PSG7: variants seen among roughly 807,000 people sequenced by gnomAD.
PSG7 encodes pregnancy specific beta-1-glycoprotein 7, also known as pregnancy-specific beta-1-glycoprotein 7.
Under a neutral mutation model 45.6 loss-of-function variants are expected in PSG7, and 57 were observed. That is an observed-to-expected ratio of 1.25 (90% confidence interval 1.01 to 1.56). The LOEUF (loss-of-function observed/expected upper bound fraction) is 1.56. Ranked by LOEUF, PSG7 falls within the 40% of genes most tolerant of loss-of-function variation. The probability of loss-of-function intolerance (pLI) is 0.00; values close to 1 mark genes in which losing one functional copy is unlikely to be tolerated. For missense variants in PSG7, 796 were observed against 508.4 expected (o/e 1.57, Z -5.44); for synonymous variants, 298 against 194.4 (o/e 1.53, Z -4.43).
rs768409955 is a variant in PSG7 at position 42,925,857 on chromosome 19, T to C, written c.1159A>G (p.Lys387Glu). Reference protein sequence around the residue: ...QKLSIPQITTKHSGLYACSVR... With the variant: ...QKLSIPQITTEHSGLYACSVR... The stretch of plus-strand genomic sequence containing the variant: ...GAGCAAGCATAGAGCCCGCTATGCT[T>C]TGTAGTAATCTGGGGGATAGAAAGC... The change falls in exon 5 of 6, where the codon AAG becomes GAG. Residue 387 changes from lysine to glutamate, a missense_variant. Transcript: ENST00000406070. 8 of 1,611,974 alleles carry C rather than the reference T, an allele frequency of 5.0e-6. No homozygotes were observed. In the South Asian group the frequency reaches 8.8e-5, roughly 18 times the overall value.
At chr19:42,929,302 G>A (rs1332383234) in intron 3 of PSG7, 140 bp downstream of exon 3, 2 of 1,561,010 alleles carry the variant, frequency 1.3e-6, no homozygotes, top group Non-Finnish European at 1.7e-6. Context: ...GGTTTGCCTG[G>A]GGCAGGAAGT....
Position 42,925,092 on chromosome 19 carries a change from C to T in PSG7, c.1244-268G>A, listed in dbSNP as rs558588176. 6.2e-4 allele frequency: 320 copies of T among 514,090 alleles called. 3 individuals carry two copies. The highest frequency in any genetic ancestry group is 5.9e-4 in the Non-Finnish European group (174 of 292,926). 31.8% of individuals were successfully genotyped at this position (514,090 alleles called of 1,614,324 possible). ...TTTGCTGTAAGTTTTTATAAGGAAT[C>T]TCAGATTAAACCTTTACAAAACTCT... On this transcript the variant is annotated intron_variant, in intron 5 of 5. Coordinates refer to ENST00000406070, the MANE Select transcript of PSG7 (RefSeq NM_002783.3).
At chr19:42,929,853 G>C (rs1164375333) in intron 2 of PSG7, 133 bp from the exon 3 acceptor site, 3 of 1,365,044 alleles carry the variant, frequency 2.2e-6, no homozygotes, top group African/African-American at 2.9e-5. Flanking sequence ...AGGTGTGTGT[G>C]TTACAAGACA....
Position 42,937,172 on chromosome 19 carries a change from C to G in PSG7, c.-96G>C. On this transcript the variant is annotated 5_prime_UTR_variant, in exon 1 of 6. Coordinates refer to ENST00000406070, the MANE Select transcript of PSG7 (RefSeq NM_002783.3). ...GTCAGCTGTGCTGTCCTTCCTCCTT[C>G]TGCACTGAGCCTCTTCCCGGGGCAG... 6.7e-7 allele frequency: 1 copy of G among 1,503,502 alleles called. No individual in the cohort carries two copies. Among genetic ancestry groups the G allele is most frequent in the East Asian group, 2.3e-5 (1 of 43,194 alleles). 93.1% of individuals were successfully genotyped at this position (1,503,502 alleles called of 1,614,324 possible).
At position 42,924,925 on chromosome 19, in the gene PSG7, C is replaced by T. The variant is rs7257970; in HGVS notation, c.1244-101G>A. ...TCCACATAATTTTTCTCTCTATGGG[C>T]ATCTCTAGTTTTACCAATGATAATT... is the stretch of plus-strand genomic sequence containing the variant. On this transcript the variant is annotated intron_variant, in intron 5 of 5. Coordinates refer to ENST00000406070, the MANE Select transcript of PSG7 (RefSeq NM_002783.3). 496 of 744,212 alleles carry T rather than the reference C, an allele frequency of 6.7e-4. 13 individuals are homozygous for T. The African/African-American group carries it at 7.4e-3, about 11-fold the overall frequency. The allele number at this position is 744,212 out of a possible 1,614,324, so 46.1% of individuals were successfully genotyped here. A position where few individuals can be genotyped will look rare whatever the true frequency, so the allele number is the denominator to read the frequency against.
Position 42,926,674 on chromosome 19 carries a change from G to A in PSG7, c.752C>T (p.Pro251Leu), listed in dbSNP as rs115824313. 8 of 1,610,138 alleles carry A rather than the reference G, an allele frequency of 5.0e-6. 1 individual carries two copies. Among genetic ancestry groups the A allele is most frequent in the Non-Finnish European group, 6.8e-6 (8 of 1,179,010 alleles). Residue 251 changes from proline to leucine, a missense_variant, in exon 4 of 6, where the codon CCC becomes CTC. Coordinates refer to ENST00000406070, the MANE Select transcript of PSG7 (RefSeq NM_002783.3). ...KPYITINNLNPRENKDVSTFT... is the reference protein window; with the variant it reads ...KPYITINNLNLRENKDVSTFT... ...GGTTGAGACATCCTTATTCTCCCTG[G>A]GGTTTAAGTTATTGATGGTGATGTA...
chr19:42,933,301 ATATATATTT>A (rs1307796004), intron 2 of PSG7, among the ~76,000 whole-genome samples: 109 of 14,626 alleles, frequency 7.5e-3, no homozygotes, highest in Non-Finnish European at 0.015. Flanking sequence ...ATATATATAT[ATATATATTT>A]TTTTTTTTTT....
In PSG7 at chr19:42,935,738, G is replaced by C. The variant is rs1462625528; in HGVS notation, c.96C>G (p.Thr32=). ...ASLLNFWNPP[T]TAQVTIEAQP... ...GGGCTTCAATCGTGACTTGGGCTGT[G>C]GTGGGCGGGTTCCAGAAGTTTAAAA... is the stretch of plus-strand genomic sequence containing the variant. The change falls in exon 2 of 6, where the codon ACC becomes ACG. Residue 32 remains threonine (T), a synonymous_variant. Coordinates refer to ENST00000406070, the MANE Select transcript of PSG7 (RefSeq NM_002783.3). 1.9e-6 allele frequency: 3 copies of C among 1,611,414 alleles called. No individual in the cohort carries two copies. The highest frequency in any genetic ancestry group is 2.2e-5 in the South Asian group (2 of 90,732).
rs773470887 is a variant in PSG7, at chr19:42,924,789, T to C, written c.*19A>G. On this transcript the variant is annotated 3_prime_UTR_variant, in exon 6 of 6. Transcript: ENST00000406070. ...TGAGGTTCCATGGGAGAAGATGGAA[T>C]TGGAGGAACTAGTAGAATTCAGGGT... is the stretch of plus-strand genomic sequence containing the variant. 2 of 766,756 alleles carry C rather than the reference T, an allele frequency of 2.6e-6. No individual in the cohort carries two copies. Among genetic ancestry groups the C allele is most frequent in the South Asian group, 2.7e-5 (2 of 74,090 alleles). The allele number at this position is 766,756 out of a possible 1,614,324, so 47.5% of individuals were successfully genotyped here. A position where few individuals can be genotyped will look rare whatever the true frequency, so the allele number is the denominator to read the frequency against.
intron 2 of PSG7, among the ~76,000 whole-genome samples, chr19:42,933,305 A>AT (rs1294208407): frequency 5.8e-4 from 8 of 13,730 alleles, no homozygotes; most frequent in Admixed American, 1.1e-3. Flanking sequence ...ATATATATAT[A>AT]TATTTTTTTT....
chr19:42,934,513 T>G (rs1973103331), intron 2 of PSG7, among the ~76,000 whole-genome samples: 1 of 151,596 alleles, frequency 6.6e-6, no homozygotes, highest in African/African-American at 2.4e-5. Flanking sequence ...TCAAATAAGC[T>G]AAATGGCAAA....
At chr19:42,926,895 G>A in intron 3 of PSG7, 179 bp from the exon 4 acceptor site, 2 of 1,200,428 alleles carry the variant, frequency 1.7e-6, no homozygotes, top group Admixed American at 4.9e-5. Flanking sequence ...AGACTGTGAG[G>A]CCACCTGCTC....
chr19:42,929,803 C>A, intron 2 of PSG7, 83 bp from the exon 3 acceptor site: 2 of 1,530,472 alleles, frequency 1.3e-6, no homozygotes, highest in Non-Finnish European at 1.8e-6. Flanking sequence ...GTTGGCATTT[C>A]CAACCTCTCA....
chr19:42,925,053 CTT>C (rs1972495628), intron 5 of PSG7: 6 of 544,132 alleles, frequency 1.1e-5, no homozygotes, highest in Non-Finnish European at 9.7e-6. Flanking sequence ...TGTAGGCTCT[CTT>C]TTAAAATTTT....
intron 3 of PSG7, chr19:42,927,603 G>A (rs1251645532): frequency 6.6e-6 from 1 of 151,656 alleles, no homozygotes; most frequent in Non-Finnish European, 1.5e-5. Context: ...GACCATGTGT[G>A]TTTGATGGAT....
At chr19:42,936,913 C>G (rs868139858) in intron 1 of PSG7, 100 bp downstream of exon 1, 1 of 1,533,308 alleles carries the variant, frequency 6.5e-7, no homozygotes, top group Non-Finnish European at 8.9e-7. Context: ...TCCCAAAGTG[C>G]TGGCTTCTTT....
intron 4 of PSG7, 37 bp from the exon 5 acceptor site, chr19:42,926,064 C>T (rs762940034): frequency 8.1e-6 from 13 of 1,603,826 alleles, no homozygotes; most frequent in African/African-American, 4.0e-5. Context: ...GTGATGTTAT[C>T]CGAGGGAAGG....
rs1315548398 is a variant in PSG7, at chr19:42,927,805, T to C, written c.710-1089A>G. The stretch of plus-strand genomic sequence containing the variant: ...AGTTGTTCATGGGTGGGCAGTTTCT[T>C]TTATGCAAGATGGGGAGTTTCTAGA... On this transcript the variant is annotated intron_variant, in intron 3 of 5. Transcript: ENST00000406070. 5.9e-5 allele frequency among the ~76,000 whole-genome samples: 9 copies of C among 151,528 alleles called. 1 individual carries two copies. Among genetic ancestry groups the C allele is most frequent in the Admixed American group, 1.3e-4 (2 of 15,182 alleles).
chr19:42,937,087 C>G lies in PSG7; in HGVS notation c.-11G>C, dbSNP rs376447207. On this transcript the variant is annotated 5_prime_UTR_variant, in exon 1 of 6. Transcript: ENST00000406070. ...TGAGAGGGGCCCCATGGTCTCTGCTCCCTGCGTGTTCTCCTCTGTGGAGAT... is the reference window on the plus strand; with the variant it reads ...TGAGAGGGGCCCCATGGTCTCTGCTGCCTGCGTGTTCTCCTCTGTGGAGAT... 1.6e-4 allele frequency: 253 copies of G among 1,610,168 alleles called. 4 individuals are homozygous for G. The highest frequency in any genetic ancestry group is 9.0e-4 in the South Asian group (82 of 90,710).
Sources: allele counts gnomAD v4.1 joint callset (sites outside exome capture counted in the v4.1 genomes callset), GRCh38; gene constraint gnomAD v4.1.1; transcripts MANE v1.5; gene names NCBI Gene and HGNC (gene_info 2026-07-23, HGNC 2026-07-21).